The following GOLM1 variants were observed in gnomAD, a reference collection of about 807,000 sequenced individuals.
GOLM1 encodes epididymis luminal protein 46.
A neutral mutation model predicts 50.5 loss-of-function variants in GOLM1; 31 were observed. The observed-to-expected ratio is 0.61, with a 90% CI of 0.46 to 0.83. The LOEUF is 0.83. Ranked by LOEUF, GOLM1 falls within the 40% of genes least tolerant of loss-of-function variation. The probability of loss-of-function intolerance (pLI) is 0.00; values close to 1 mark genes in which losing one functional copy is unlikely to be tolerated. For synonymous variants in GOLM1, 178 were observed against 192.8 expected, an observed-to-expected ratio of 0.92 and a Z score of 0.64; for missense variants, 491 against 501.3, an observed-to-expected ratio of 0.98 and a Z score of 0.20.
chr9:86,092,467 A>G (rs1835215339), intron 1 of GOLM1, among the ~76,000 whole-genome samples: 1 of 152,200 alleles, frequency 6.6e-6, no homozygotes, highest in Non-Finnish European at 1.5e-5. Flanking sequence ...CCAGACCAGG[A>G]TCATATTATG....
chr9:86,051,085 A>G (rs1833732252), intron 4 of GOLM1, among the ~76,000 whole-genome samples: 3 of 152,170 alleles, frequency 2.0e-5, no homozygotes. Flanking sequence ...ATTGATTTCA[A>G]ATAACATCCT....
chr9:86,062,916 C>CTT (rs1379360134), intron 3 of GOLM1, among the ~76,000 whole-genome samples: 1 of 152,208 alleles, frequency 6.6e-6, no homozygotes, highest in African/African-American at 2.4e-5. Flanking sequence ...CGCCTGTCTT[C>CTT]TTAGTCCCTG....
At chr9:86,067,923 T>C (rs1834350592) in intron 3 of GOLM1, among the ~76,000 whole-genome samples, 1 of 152,060 alleles carries the variant, frequency 6.6e-6, no homozygotes, top group African/African-American at 2.4e-5. Flanking sequence ...GGAGAATGAC[T>C]TGAACCTGGA....
intron 9 of GOLM1, among the ~76,000 whole-genome samples, chr9:86,028,483 C>T (rs1832857380): frequency 1.3e-5 from 2 of 152,222 alleles, no homozygotes; most frequent in Non-Finnish European, 2.9e-5. Context: ...AGAGCTACTT[C>T]CACCACTCAA....
intron 6 of GOLM1, among the ~76,000 whole-genome samples, chr9:86,037,432 GTC>G (rs1292461878): frequency 8.3e-6 from 1 of 119,938 alleles, no homozygotes; most frequent in Non-Finnish European, 1.7e-5. Context: ...GAGCGAGACT[GTC>G]TCTCAAAAAA....
intron 3 of GOLM1, among the ~76,000 whole-genome samples, chr9:86,059,235 C>T (rs1252135799): frequency 6.6e-6 from 1 of 152,172 alleles, no homozygotes; most frequent in Non-Finnish European, 1.5e-5. Flanking sequence ...ACTGGAAAAC[C>T]TGTCCACAAA....
chr9:86,067,452 C>T (rs371358471), intron 3 of GOLM1, among the ~76,000 whole-genome samples: 9 of 152,268 alleles, frequency 5.9e-5, no homozygotes, highest in East Asian at 1.9e-4. Flanking sequence ...CTGGTGGTTG[C>T]GTGAAGATTA....
At position 86,062,084 on chromosome 9, in the gene GOLM1, G is replaced by A. The variant is rs116018590; in HGVS notation, c.310-9493C>T. On this transcript the variant is annotated intron_variant, in intron 3 of 9. Coordinates refer to ENST00000388712, the MANE Select transcript of GOLM1 (RefSeq NM_016548.4). ...GGACACACAGACACAGTTGCTACAC[G>A]CCCAGAATAGCTCCTGCCAACACAT... Among the ~76,000 whole-genome samples the A allele has an allele frequency of 2.1e-3, 319 of 152,252 alleles. 2 individuals are homozygous for A. Among genetic ancestry groups the A allele is most frequent in the African/African-American group, 7.2e-3 (301 of 41,540 alleles).
rs763475766 is a variant in GOLM1 at position 86,033,258 on chromosome 9, C to G, written c.1129+24G>C. ...AAAGAGAAATGAAAGGTGACCTCGT[C>G]ACCGATGTAGGCCCCATTCTTACCA... is the stretch of plus-strand genomic sequence containing the variant. On this transcript the variant is annotated intron_variant, in intron 9 of 9. Transcript: ENST00000388712. 2.3e-6 allele frequency: 3 copies of G among 1,289,002 alleles called. No individual in the cohort carries two copies. The African/African-American group carries it at 4.4e-5, about 19-fold the overall frequency. The allele number at this position is 1,289,002 out of a possible 1,614,324, so 79.8% of individuals were successfully genotyped here. A position where few individuals can be genotyped will look rare whatever the true frequency, so the allele number is the denominator to read the frequency against.
intron 4 of GOLM1, 50 bp downstream of exon 4, chr9:86,052,487 T>G (rs1246029794): frequency 6.5e-7 from 1 of 1,533,126 alleles, no homozygotes; most frequent in East Asian, 2.3e-5. Flanking sequence ...AGAAAGGGAG[T>G]TTCCTCCTCA....
At chr9:86,042,522 G>C (rs1301915305) in intron 5 of GOLM1, among the ~76,000 whole-genome samples, 2 of 152,156 alleles carry the variant, frequency 1.3e-5, no homozygotes, top group African/African-American at 4.8e-5. Context: ...CAGGTGCTAT[G>C]GAAATAATGC....
intron 2 of GOLM1, 40 bp downstream of exon 2, chr9:86,079,150 CAT>C (rs760547944): frequency 4.6e-5 from 67 of 1,468,954 alleles, no homozygotes; most frequent in Non-Finnish European, 5.7e-5. Context: ...ATAAACAAAA[CAT>C]AAACATAAAA....
At chr9:86,068,265 C>T (rs994793716) in intron 3 of GOLM1, among the ~76,000 whole-genome samples, 7 of 152,208 alleles carry the variant, frequency 4.6e-5, no homozygotes, top group Admixed American at 1.3e-4. Flanking sequence ...AGGTAGTGTC[C>T]TCCCACAGCC....
intron 8 of GOLM1, among the ~76,000 whole-genome samples, chr9:86,034,818 A>G (rs1833084029): frequency 1.3e-5 from 2 of 152,190 alleles, no homozygotes; most frequent in Admixed American, 1.3e-4. Flanking sequence ...AAGGGACTGA[A>G]ATACATCCTG....
chr9:86,052,948 C>G (rs1049151564), intron 3 of GOLM1, among the ~76,000 whole-genome samples: 1 of 75,514 alleles, frequency 1.3e-5, no homozygotes, highest in Non-Finnish European at 2.9e-5. Context: ...AACCTCACAC[C>G]GCACCACACC....
At position 86,078,176 on chromosome 9, in the gene GOLM1, AC is replaced by A. The variant is rs536691994; in HGVS notation, c.130-586del. 8.5e-5 allele frequency among the ~76,000 whole-genome samples: 13 copies of A among 152,084 alleles called. No individual in the cohort carries two copies. The East Asian group carries it at 2.1e-3, about 25-fold the overall frequency. On this transcript the variant is annotated intron_variant, in intron 2 of 9. Transcript: ENST00000388712. ...CTCAACCTCTTGGTGCCTCAGTCTG[AC>A]CCCCTGTGAAATGAGGAAAGTCAAG...
At chr9:86,054,943 A>G (rs572967187) in intron 3 of GOLM1, among the ~76,000 whole-genome samples, 2 of 152,344 alleles carry the variant, frequency 1.3e-5, no homozygotes, top group Admixed American at 1.3e-4. Flanking sequence ...CATGCTGCCC[A>G]TAACGTGGAG....
intron 1 of GOLM1, among the ~76,000 whole-genome samples, chr9:86,086,586 GTCTTACGT>G (rs530632784): frequency 1.6e-3 from 247 of 152,294 alleles, no homozygotes; most frequent in South Asian, 0.011. Context: ...ATGGTTTTAG[GTCTTACGT>G]TTAAGTCTTT....
chr9:86,026,475 G>T lies in GOLM1; in HGVS notation c.*1342C>A. 1.1e-6 allele frequency: 1 copy of T among 930,832 alleles called. No homozygotes were observed. The highest frequency in any genetic ancestry group is 1.3e-6 in the Non-Finnish European group (1 of 780,376). The allele number at this position is 930,832 out of a possible 1,614,324, so 57.7% of individuals were successfully genotyped here. The stretch of plus-strand genomic sequence containing the variant: ...CCAGCTACTCGGGAGTCTGTGTGAG[G>T]CCAGGGGTGCCAGCGCACCAGCTAG... On this transcript the variant is annotated 3_prime_UTR_variant, in exon 10 of 10. Transcript: ENST00000388712.
Sources: allele counts gnomAD v4.1 joint callset (sites outside exome capture counted in the v4.1 genomes callset), GRCh38; gene constraint gnomAD v4.1.1; transcripts MANE v1.5; gene names NCBI Gene and HGNC (gene_info 2026-07-23, HGNC 2026-07-21).